The following ROCK2 variants were observed in gnomAD, a reference collection of about 807,000 sequenced individuals.
ROCK2 encodes the protein Rho associated coiled-coil containing protein kinase 2.
Under a neutral mutation model 195.1 loss-of-function variants are expected in ROCK2, and 61 were observed. The observed-to-expected ratio is 0.31, with a 90% CI of 0.25 to 0.39. ROCK2 has a LOEUF of 0.39. ROCK2 is among the 10% of genes least tolerant of loss of function. The probability of loss-of-function intolerance (pLI) is 1.00; values close to 1 mark genes in which losing one functional copy is unlikely to be tolerated. For missense variants in ROCK2, 1,109 were observed against 1,637.4 expected, an observed-to-expected ratio of 0.68 and a Z score of 5.57; for synonymous variants, 504 against 545.5, an observed-to-expected ratio of 0.92 and a Z score of 1.06.
intron 1 of ROCK2, among the ~76,000 whole-genome samples, chr2:11,314,050 TA>T (rs1668117659): frequency 6.6e-6 from 1 of 151,862 alleles, no homozygotes; most frequent in African/African-American, 2.4e-5. Flanking sequence ...AATCCTTTGG[TA>T]GGGGTAATGG....
intron 3 of ROCK2, among the ~76,000 whole-genome samples, chr2:11,268,640 G>A (rs190577850): frequency 6.6e-6 from 1 of 152,104 alleles, no homozygotes; most frequent in Admixed American, 6.5e-5. Flanking sequence ...AATATTTGAT[G>A]AGAAATCTAT....
chr2:11,194,951 T>C lies in ROCK2; in HGVS notation c.3519+4A>G, dbSNP rs1438776825. On this transcript the variant is annotated splice_donor_region_variant and intron_variant, in intron 28 of 32. Transcript: ENST00000315872. Reference sequence around the variant, plus strand: ...AAAGGCTCATATTCCAAAGTATCAATTACCTTTTTAACCCATCCAAATTTC... The same window carrying C: ...AAAGGCTCATATTCCAAAGTATCAACTACCTTTTTAACCCATCCAAATTTC... 1.8e-5 allele frequency: 28 copies of C among 1,528,356 alleles called. No homozygotes were observed. Among genetic ancestry groups the C allele is most frequent in the Non-Finnish European group, 2.4e-5 (27 of 1,122,850 alleles). 94.7% of individuals were successfully genotyped at this position (1,528,356 alleles called of 1,614,324 possible). A position where few individuals can be genotyped will look rare whatever the true frequency, so the allele number is the denominator to read the frequency against.
chr2:11,254,421 C>T (rs1665944774), intron 3 of ROCK2, among the ~76,000 whole-genome samples: 1 of 152,110 alleles, frequency 6.6e-6, no homozygotes, highest in African/African-American at 2.4e-5. Flanking sequence ...CTGGGCAGGA[C>T]ACTGGAAAGC....
intron 1 of ROCK2, among the ~76,000 whole-genome samples, chr2:11,301,713 G>A (rs1166382600): frequency 6.6e-6 from 1 of 151,278 alleles, no homozygotes; most frequent in African/African-American, 2.4e-5. Context: ...GGGAGGTAGA[G>A]GTTGCAGTGG....
chr2:11,214,838 A>G lies in ROCK2; in HGVS notation c.1936+2T>C. ...ATTCAAGTGCAACCACGACTTCAAT[A>G]CCTTGTAAATCATTAATTATCTCTG... On this transcript the variant is annotated splice_donor_variant, in intron 16 of 32. Coordinates refer to ENST00000315872, the MANE Select transcript of ROCK2 (RefSeq NM_004850.5). LOFTEE classifies it high-confidence loss of function. 6.2e-7 allele frequency: 1 copy of G among 1,602,526 alleles called. No individual in the cohort carries two copies. Among genetic ancestry groups the G allele is most frequent in the Non-Finnish European group, 8.5e-7 (1 of 1,175,556 alleles).
chr2:11,256,934 C>T (rs1306311611), intron 3 of ROCK2, among the ~76,000 whole-genome samples: 5 of 151,346 alleles, frequency 3.3e-5, no homozygotes, highest in Non-Finnish European at 7.4e-5. Flanking sequence ...GGTTGAATTA[C>T]GCTCCAAGGT....
chr2:11,314,821 C>A (rs973252425), intron 1 of ROCK2, among the ~76,000 whole-genome samples: 1 of 151,924 alleles, frequency 6.6e-6, no homozygotes, highest in Non-Finnish European at 1.5e-5. Context: ...TATCCAAAAA[C>A]TTTCTCCTGT....
intron 20 of ROCK2, among the ~76,000 whole-genome samples, chr2:11,203,459 A>G (rs1663937147): frequency 1.3e-5 from 2 of 151,706 alleles, no homozygotes; most frequent in Non-Finnish European, 2.9e-5. Flanking sequence ...CATGAAGGAG[A>G]GCTTACGTAC....
intron 4 of ROCK2, among the ~76,000 whole-genome samples, chr2:11,247,729 T>C (rs376566728): frequency 6.6e-6 from 1 of 152,174 alleles, no homozygotes. Context: ...TAAATTATCA[T>C]GGTATGCAGG....
chr2:11,308,525 C>T lies in ROCK2; in HGVS notation c.142-20789G>A. 5 of 1,546,818 alleles carry T rather than the reference C, an allele frequency of 3.2e-6. No homozygotes were observed. In the South Asian group the frequency reaches 5.6e-5, roughly 17 times the overall value. On this transcript the variant is annotated intron_variant, in intron 1 of 32. Coordinates refer to ENST00000315872, the MANE Select transcript of ROCK2 (RefSeq NM_004850.5). ...GCCACTGGAACCAGGAATGACATTACTCACTATCAGAATTGAGAAAACTGG... is the reference window on the plus strand; with the variant it reads ...GCCACTGGAACCAGGAATGACATTATTCACTATCAGAATTGAGAAAACTGG...
At chr2:11,249,374 G>C (rs1665746685) in intron 4 of ROCK2, among the ~76,000 whole-genome samples, 1 of 152,006 alleles carries the variant, frequency 6.6e-6, no homozygotes, top group South Asian at 2.1e-4. Flanking sequence ...AGAATAAGTG[G>C]GTATGAAACA....
chr2:11,231,179 A>G (rs1325334312), intron 5 of ROCK2, among the ~76,000 whole-genome samples: 1 of 151,632 alleles, frequency 6.6e-6, no homozygotes, highest in Non-Finnish European at 1.5e-5. Context: ...AATCGTCTTC[A>G]GGTAATTTTT....
chr2:11,231,079 T>A (rs11683010), intron 5 of ROCK2, among the ~76,000 whole-genome samples: 37,646 of 151,982 alleles, frequency 0.25, 5,395 homozygotes, highest in East Asian at 0.55. Context: ...TTTAAAAAAA[T>A]TACTTAAAAA....
Position 11,182,052 on chromosome 2 carries a change from T to C in ROCK2, c.*1385A>G, listed in dbSNP as rs1162415658. ...AAAAAAACTTTACGCTTACCATTGCTGCATATTGTTGCAGTATAAAACACA... is the reference window on the plus strand; with the variant it reads ...AAAAAAACTTTACGCTTACCATTGCCGCATATTGTTGCAGTATAAAACACA... On this transcript the variant is annotated 3_prime_UTR_variant, in exon 33 of 33. Coordinates refer to ENST00000315872, the MANE Select transcript of ROCK2 (RefSeq NM_004850.5). 9.2e-5 allele frequency: 14 copies of C among 152,050 alleles called. No individual in the cohort carries two copies. The highest frequency in any genetic ancestry group is 9.2e-4 in the Admixed American group (14 of 15,260). 9.4% of individuals were successfully genotyped at this position (152,050 alleles called of 1,614,324 possible).
intron 4 of ROCK2, among the ~76,000 whole-genome samples, chr2:11,246,289 T>C (rs941712695): frequency 2.3e-4 from 35 of 151,970 alleles, no homozygotes; most frequent in African/African-American, 8.2e-4. Flanking sequence ...CAAGAAGAGA[T>C]CAGCAAAATC....
intron 3 of ROCK2, among the ~76,000 whole-genome samples, chr2:11,270,742 T>C (rs899983481): frequency 2.6e-5 from 4 of 152,254 alleles, no homozygotes; most frequent in African/African-American, 9.6e-5. Context: ...ACATCACCAC[T>C]CTATTCATGC....
Position 11,256,728 on chromosome 2 carries a change from A to G in ROCK2, c.325-6930T>C, listed in dbSNP as rs115052030. Among the ~76,000 whole-genome samples, 1,452 of 151,478 alleles carry G rather than the reference A, an allele frequency of 9.6e-3. 85 individuals are homozygous for G. Among genetic ancestry groups the G allele is most frequent in the African/African-American group, 0.033 (1,361 of 40,762 alleles). ...AGCAGACTTCAAGGCAAAGAGTATT[A>G]TAAGAGATAAGGTAATTTAGATAAA... On this transcript the variant is annotated intron_variant, in intron 3 of 32. Transcript: ENST00000315872.
intron 3 of ROCK2, among the ~76,000 whole-genome samples, chr2:11,260,305 G>A (rs1470836802): frequency 2.6e-5 from 4 of 151,876 alleles, no homozygotes; most frequent in Non-Finnish European, 5.9e-5. Flanking sequence ...AAAATTAGCT[G>A]GGTGTGGTGG....
At chr2:11,199,437 C>T (rs898948734) in intron 23 of ROCK2, among the ~76,000 whole-genome samples, 2 of 151,716 alleles carry the variant, frequency 1.3e-5, no homozygotes, top group Admixed American at 1.3e-4. Context: ...CCACCTCAGC[C>T]CCCATGAGTA....
Sources: allele counts gnomAD v4.1 joint callset (sites outside exome capture counted in the v4.1 genomes callset), GRCh38; gene constraint gnomAD v4.1.1; transcripts MANE v1.5; gene names NCBI Gene and HGNC (gene_info 2026-07-23, HGNC 2026-07-21).